KANK4: variants seen among roughly 807,000 people sequenced by gnomAD.
KANK4 encodes the protein KN motif and ankyrin repeat domain-containing protein 4.
Under a neutral mutation model 80.8 loss-of-function variants are expected in KANK4, and 50 were observed. The ratio of observed to expected loss-of-function variants is 0.62; its 90% CI spans 0.49 to 0.78. KANK4 has a LOEUF of 0.78. KANK4 is among the 30% of genes least tolerant of loss of function. KANK4 has a pLI of 0.00. For missense variants in KANK4, 1,196 were observed against 1,240.1 expected (o/e 0.96, Z 0.53); for synonymous variants, 465 against 506.9 (o/e 0.92, Z 1.11).
rs1011615732 is a variant in KANK4 at position 62,246,975 on chromosome 1, G to A, written c.2883+497C>T. ...GGGGTTTCATCATGTTGGCCAGGCCGGTCTCAAACTCCTGACCTCAGGTGA... is the reference window on the plus strand; with the variant it reads ...GGGGTTTCATCATGTTGGCCAGGCCAGTCTCAAACTCCTGACCTCAGGTGA... On this transcript the variant is annotated intron_variant, in intron 9 of 9. Coordinates refer to ENST00000371153, the MANE Select transcript of KANK4 (RefSeq NM_181712.5). Among the ~76,000 whole-genome samples the A allele has an allele frequency of 3.3e-5, 5 of 151,988 alleles. No homozygotes were observed. The East Asian group carries it at 5.8e-4, about 18-fold the overall frequency.
intron 6 of KANK4, among the ~76,000 whole-genome samples, chr1:62,265,553 T>C (rs1464783996): frequency 1.3e-5 from 2 of 152,160 alleles, no homozygotes; most frequent in Non-Finnish European, 1.5e-5. Context: ...TACATATTGG[T>C]TCTTTAGGGA....
chr1:62,238,318 G>C lies in KANK4; in HGVS notation c.2947C>G (p.Leu983Val). ...SPTHMEIAGL[L>V]RAHAEQGRSL... ...CTGCCCTGCTCCGCGTGGGCTCTCA[G>C]AAGCCCAGCAATTTCCATATGGGTG... The change falls in exon 10 of 10, where the codon CTG becomes GTG. Residue 983 changes from leucine to valine, a missense_variant. By Grantham distance (32) the Leu-to-Val change is conservative. Transcript: ENST00000371153. 1 of 1,614,098 alleles carries C rather than the reference G, an allele frequency of 6.2e-7. No individual in the cohort carries two copies. Among genetic ancestry groups the C allele is most frequent in the South Asian group, 1.1e-5 (1 of 91,076 alleles).
At chr1:62,260,076 G>C (rs182168534) in intron 7 of KANK4, among the ~76,000 whole-genome samples, 27 of 151,738 alleles carry the variant, frequency 1.8e-4, no homozygotes, top group African/African-American at 5.1e-4. Flanking sequence ...TCTGAGGCCA[G>C]TGGCCTCCAC....
At chr1:62,317,148 G>A (rs1236758114) in intron 1 of KANK4, among the ~76,000 whole-genome samples, 1 of 152,180 alleles carries the variant, frequency 6.6e-6, no homozygotes, top group Admixed American at 6.5e-5. Context: ...CCAGAAGTGA[G>A]GCTGGGAAGG....
rs572182052 is a variant in KANK4 at position 62,268,512 on chromosome 1, T to C, written c.2013-7A>G. ...ACTTGAGGTGGTCTCATACCTGGGG[T>C]AGAAAACAAAGGTCACTCGTCCTGT... On this transcript the variant is annotated splice_polypyrimidine_tract_variant and splice_region_variant and intron_variant, in intron 4 of 9. Transcript: ENST00000371153. The C allele has an allele frequency of 3.1e-4, 499 of 1,611,444 alleles. 22 individuals carry two copies. In the South Asian group the frequency reaches 5.3e-3, roughly 17 times the overall value.
intron 1 of KANK4, among the ~76,000 whole-genome samples, chr1:62,299,177 C>G (rs1644391473): frequency 6.6e-6 from 1 of 152,122 alleles, no homozygotes; most frequent in South Asian, 2.1e-4. Context: ...CCTGCCTCAG[C>G]CTCCAGAGTA....
Position 62,253,207 on chromosome 1 carries a change from C to A in KANK4, c.2542G>T (p.Val848Phe). 1.2e-6 allele frequency: 2 copies of A among 1,603,434 alleles called. No homozygotes were observed. Among genetic ancestry groups the A allele is most frequent in the Non-Finnish European group, 8.5e-7 (1 of 1,176,978 alleles). ...SIVKLLLETG[V>F]CNVDHQNKAG... is the part of the protein sequence containing the mutation. Reference sequence around the variant, plus strand: ...TTGTTCTGATGGTCCACATTGCAGACGCCTGCAAGAGAAGCAATGGGTGCT... The same window carrying A: ...TTGTTCTGATGGTCCACATTGCAGAAGCCTGCAAGAGAAGCAATGGGTGCT... The change falls in exon 8 of 10, where the codon GTC becomes TTC. Residue 848 changes from valine (V) to phenylalanine (F), a missense_variant and splice_region_variant. Val to Phe is a conservative substitution (Grantham distance 50). Around this residue, in one of 3 missense-constraint regions of KANK4, gnomAD observed 1,154 missense variants for 1,179.6 expected, o/e 0.98. Transcript: ENST00000371153.
At chr1:62,301,731 T>C (rs1644413761) in intron 1 of KANK4, among the ~76,000 whole-genome samples, 1 of 151,880 alleles carries the variant, frequency 6.6e-6, no homozygotes, top group South Asian at 2.1e-4. Flanking sequence ...ATTACACAGA[T>C]GAATTGGGAT....
intron 1 of KANK4, among the ~76,000 whole-genome samples, chr1:62,305,077 T>C (rs559155350): frequency 6.0e-5 from 9 of 150,826 alleles, no homozygotes; most frequent in Admixed American, 4.6e-4. Flanking sequence ...AGGTGTCACT[T>C]GCAAAGACAA....
chr1:62,303,843 GA>G (rs1372853867), intron 1 of KANK4, among the ~76,000 whole-genome samples: 1 of 151,544 alleles, frequency 6.6e-6, no homozygotes, highest in African/African-American at 2.4e-5. Flanking sequence ...TGTACTCCTA[GA>G]AAACTTAAAA....
chr1:62,287,361 A>ACTG lies in KANK4; in HGVS notation c.-70-5728_-70-5727insCAG, dbSNP rs1445845257. 3.9e-5 allele frequency among the ~76,000 whole-genome samples: 6 copies of ACTG among 152,294 alleles called. No homozygotes were observed. In the South Asian group the frequency reaches 1.0e-3, roughly 26 times the overall value. On this transcript the variant is annotated intron_variant, in intron 1 of 9. Transcript: ENST00000371153. ...TAACCAAGTGAGGCTGTGCTGGGAA[A>ACTG]TGAAGCCTCACAGTAAGACACATCA... is the stretch of plus-strand genomic sequence containing the variant.
intron 1 of KANK4, among the ~76,000 whole-genome samples, chr1:62,309,095 T>C (rs924400784): frequency 1.4e-4 from 21 of 152,356 alleles, no homozygotes; most frequent in African/African-American, 4.8e-4. Flanking sequence ...AAGATGTGTG[T>C]ATGTCTCACC....
At chr1:62,244,597 A>G (rs1191846563) in intron 9 of KANK4, among the ~76,000 whole-genome samples, 1 of 152,136 alleles carries the variant, frequency 6.6e-6, no homozygotes, top group African/African-American at 2.4e-5. Flanking sequence ...CTATCCATGT[A>G]AGATGTGATT....
intron 1 of KANK4, among the ~76,000 whole-genome samples, chr1:62,302,764 T>C (rs1350043547): frequency 6.6e-6 from 1 of 152,120 alleles, no homozygotes; most frequent in Non-Finnish European, 1.5e-5. Context: ...AAATAAAATT[T>C]ATTAAAATTT....
intron 2 of KANK4, among the ~76,000 whole-genome samples, chr1:62,275,832 AAGAG>A (rs1458324439): frequency 7.2e-6 from 1 of 138,812 alleles, no homozygotes; most frequent in Non-Finnish European, 1.6e-5. Context: ...GAAAGAGAGA[AAGAG>A]AGAGAGAGGG....
At chr1:62,247,415 C>T in intron 9 of KANK4, 57 bp downstream of exon 9, 1 of 1,513,730 alleles carries the variant, frequency 6.6e-7, no homozygotes, top group Non-Finnish European at 9.1e-7. Flanking sequence ...GCTGGGGTTA[C>T]AGGTATGAGC....
chr1:62,281,636 TGAAA>T lies in KANK4; in HGVS notation c.-70-6_-70-3del. On this transcript the variant is annotated splice_region_variant and splice_polypyrimidine_tract_variant and intron_variant, in intron 1 of 9. Transcript: ENST00000371153. ...AGTCTGTAAAACTTGTTGAAGGTTC[TGAAA>T]GAAAGGAGGATACAGAAGTGGTGAG... The T allele has an allele frequency of 1.3e-6, 2 of 1,562,478 alleles. No homozygotes were observed. Among genetic ancestry groups the T allele is most frequent in the South Asian group, 2.2e-5 (2 of 90,022 alleles).
chr1:62,238,234 A>G lies in KANK4; in HGVS notation c.*43T>C. ...CTTCAAGGGCGAGGGAGGAGTCCAG[A>G]GAAGAAGGCTTTTGTTCCCCACGGC... On this transcript the variant is annotated 3_prime_UTR_variant, in exon 10 of 10. Coordinates refer to ENST00000371153, the MANE Select transcript of KANK4 (RefSeq NM_181712.5). 6.9e-7 allele frequency: 1 copy of G among 1,454,484 alleles called. No homozygotes were observed. Among genetic ancestry groups the G allele is most frequent in the Non-Finnish European group, 9.6e-7 (1 of 1,037,470 alleles). The allele number at this position is 1,454,484 out of a possible 1,614,324, so 90.1% of individuals were successfully genotyped here.
At position 62,268,237 on chromosome 1, in the gene KANK4, T is replaced by A. The variant is rs770394016; in HGVS notation, c.2231+50A>T. 2.1e-6 allele frequency: 3 copies of A among 1,460,466 alleles called. No individual in the cohort carries two copies. The East Asian group carries it at 6.8e-5, about 33-fold the overall frequency. 90.5% of individuals were successfully genotyped at this position (1,460,466 alleles called of 1,614,324 possible). ...CGCATGAACGGGTAGATATATGCCC[T>A]TGACCTTTTTCAGAGGAACAAGTGC... is the stretch of plus-strand genomic sequence containing the variant. On this transcript the variant is annotated intron_variant, in intron 5 of 9. Transcript: ENST00000371153.
Sources: allele counts gnomAD v4.1 joint callset (sites outside exome capture counted in the v4.1 genomes callset), GRCh38; gene constraint gnomAD v4.1.1; regional missense constraint gnomAD v4.1.1; transcripts MANE v1.5; gene names NCBI Gene and HGNC (gene_info 2026-07-23, HGNC 2026-07-21).